The following PCLO variants were observed in gnomAD, a reference collection of about 807,000 sequenced individuals.
PCLO encodes the protein protein piccolo.
A neutral mutation model predicts 427.5 loss-of-function variants in PCLO; 82 were observed. The observed-to-expected ratio is 0.19, with a 90% CI of 0.16 to 0.23. The LOEUF (loss-of-function observed/expected upper bound fraction) is 0.23, where lower values mean the gene tolerates loss of function less well. PCLO is among the 10% of genes least tolerant of loss of function. The pLI, the probability that PCLO is intolerant of heterozygous loss-of-function variation, is 1.00. For missense variants in PCLO, 6,239 were observed against 6,115.9 expected (o/e 1.02, Z -0.67); for synonymous variants, 2,357 against 2,155.4 (o/e 1.09, Z -2.59).
chr7:82,781,324 C>A (rs990994281), intron 22 of PCLO, among the ~76,000 whole-genome samples: 16 of 151,798 alleles, frequency 1.1e-4, no homozygotes, highest in African/African-American at 3.9e-4. Context: ...ACAACCCCCT[C>A]CAGCCCCCCA....
chr7:82,945,031 G>C (rs916374008), intron 6 of PCLO, among the ~76,000 whole-genome samples: 4 of 151,972 alleles, frequency 2.6e-5, no homozygotes, highest in African/African-American at 4.8e-5. Flanking sequence ...GCTAAATCAT[G>C]ATGAAAATAC....
intron 8 of PCLO, among the ~76,000 whole-genome samples, chr7:82,904,316 T>C (rs1794129015): frequency 6.6e-6 from 1 of 151,910 alleles, no homozygotes; most frequent in South Asian, 2.1e-4. Flanking sequence ...TCTCACTCTT[T>C]CCTTTCTCTC....
chr7:83,114,460 G>C (rs775136149), intron 3 of PCLO, among the ~76,000 whole-genome samples: 2 of 152,090 alleles, frequency 1.3e-5, no homozygotes, highest in African/African-American at 2.4e-5. Context: ...TCCTGGGTCT[G>C]AGTATAGTCC....
At chr7:82,913,991 C>G (rs1413507525) in intron 7 of PCLO, among the ~76,000 whole-genome samples, 1 of 152,004 alleles carries the variant, frequency 6.6e-6, no homozygotes, top group Non-Finnish European at 1.5e-5. Context: ...ATACTTCATA[C>G]TAGTACAATT....
chr7:82,956,769 T>G lies in PCLO; in HGVS notation c.4184A>C (p.Asp1395Ala). 6.2e-7 allele frequency: 1 copy of G among 1,613,568 alleles called. No individual in the cohort carries two copies. ...EKDILKGLKK[D>A]SFSQESSPSS... ...AGGGCTGCTTTCTTGTGAAAAAGAG[T>G]CCTTTTTGAGTCCCTTGAGAATATC... The change falls in exon 5 of 25, where the codon GAC (aspartate) becomes GCC (alanine). Residue 1395 changes from aspartate to alanine, a missense_variant. By Grantham distance (126) the Asp-to-Ala change is moderately radical. Around this residue, in one of 5 missense-constraint regions of PCLO, gnomAD observed 4,677 missense variants for 4,468.4 expected, o/e 1.05. Coordinates refer to ENST00000333891, the MANE Select transcript of PCLO (RefSeq NM_033026.6).
intron 3 of PCLO, among the ~76,000 whole-genome samples, chr7:83,132,320 T>C (rs1791595143): frequency 6.6e-6 from 1 of 152,112 alleles, no homozygotes; most frequent in South Asian, 2.1e-4. Flanking sequence ...AATGATTATC[T>C]AATACGATCA....
chr7:83,054,557 T>C (rs1453179627), intron 3 of PCLO, among the ~76,000 whole-genome samples: 1 of 152,054 alleles, frequency 6.6e-6, no homozygotes, highest in African/African-American at 2.4e-5. Context: ...AAGATATTAA[T>C]ATTATGGTAT....
chr7:83,135,250 A>G lies in PCLO; in HGVS notation c.2300T>C (p.Val767Ala), dbSNP rs774658018. 1.9e-6 allele frequency: 3 copies of G among 1,613,908 alleles called. No homozygotes were observed. Among genetic ancestry groups the G allele is most frequent in the Non-Finnish European group, 2.5e-6 (3 of 1,179,888 alleles). The change falls in exon 3 of 25, where the codon GTA (valine) becomes GCA (alanine). Residue 767 changes from valine to alanine, a missense_variant. By Grantham distance (64) the Val-to-Ala change is moderately conservative. Coordinates refer to ENST00000333891, the MANE Select transcript of PCLO (RefSeq NM_033026.6). ...PKMVKPTTDLVSSSSATTKPD... is the reference protein window; with the variant it reads ...PKMVKPTTDLASSSSATTKPD... ...TTTTGTTGTTGCTGATGATGAAGATACAAGGTCAGTGGTTGGCTTTACCAT... is the reference window on the plus strand; with the variant it reads ...TTTTGTTGTTGCTGATGATGAAGATGCAAGGTCAGTGGTTGGCTTTACCAT...
At chr7:83,027,741 C>A (rs1287349042) in intron 3 of PCLO, among the ~76,000 whole-genome samples, 3 of 120,908 alleles carry the variant, frequency 2.5e-5, no homozygotes, top group African/African-American at 9.0e-5. Flanking sequence ...AGCAGCACAT[C>A]AAAAAGCTTA....
rs1219224892 is a variant in PCLO at position 83,162,635 on chromosome 7, G to A, written c.-43C>T. The stretch of plus-strand genomic sequence containing the variant: ...GGCCGCCGCGCTCCCTCCTCGCGCC[G>A]CGTCCCAGTCGAGAAGCCCGCGGCC... On this transcript the variant is annotated 5_prime_UTR_variant, in exon 1 of 25. Coordinates refer to ENST00000333891, the MANE Select transcript of PCLO (RefSeq NM_033026.6). 4.0e-6 allele frequency: 6 copies of A among 1,494,538 alleles called. No homozygotes were observed. In the African/African-American group the frequency reaches 4.2e-5, roughly 10 times the overall value. 92.6% of individuals were successfully genotyped at this position (1,494,538 alleles called of 1,614,324 possible). A position where few individuals can be genotyped will look rare whatever the true frequency, so the allele number is the denominator to read the frequency against.
At chr7:83,015,483 A>G (rs1788184146) in intron 3 of PCLO, among the ~76,000 whole-genome samples, 1 of 152,144 alleles carries the variant, frequency 6.6e-6, no homozygotes, top group Admixed American at 6.6e-5. Flanking sequence ...TAGATAAAAC[A>G]TAATGCTTTG....
chr7:82,979,112 A>C (rs1417525838), intron 3 of PCLO, among the ~76,000 whole-genome samples: 1 of 152,148 alleles, frequency 6.6e-6, no homozygotes, highest in Non-Finnish European at 1.5e-5. Flanking sequence ...ATCTGTTTTA[A>C]AGTTACTCAT....
chr7:82,899,633 T>G (rs1032535914), intron 9 of PCLO, among the ~76,000 whole-genome samples: 5 of 151,530 alleles, frequency 3.3e-5, no homozygotes, highest in African/African-American at 1.2e-4. Context: ...TATAGTACAT[T>G]ACTAGCAAAT....
At chr7:82,806,652 G>T (rs1583995057) in intron 20 of PCLO, among the ~76,000 whole-genome samples, 1 of 152,276 alleles carries the variant, frequency 6.6e-6, no homozygotes, top group South Asian at 2.1e-4. Context: ...TGAAATCGTT[G>T]ATATTTGTCT....
At chr7:83,146,247 A>C (rs1791990522) in intron 2 of PCLO, among the ~76,000 whole-genome samples, 1 of 152,220 alleles carries the variant, frequency 6.6e-6, no homozygotes, top group Non-Finnish European at 1.5e-5. Flanking sequence ...GTGAATTCAT[A>C]GTCATGTCAC....
intron 3 of PCLO, among the ~76,000 whole-genome samples, chr7:83,051,396 CT>C (rs1419892658): frequency 6.6e-6 from 1 of 152,074 alleles, no homozygotes; most frequent in Non-Finnish European, 1.5e-5. Flanking sequence ...AAGTCAATGT[CT>C]TTCTATATAC....
rs536222612 is a variant in PCLO at position 82,847,504 on chromosome 7, G to A, written c.13655-257C>T. 1.1e-4 allele frequency among the ~76,000 whole-genome samples: 16 copies of A among 152,082 alleles called. No homozygotes were observed. In the South Asian group the frequency reaches 2.3e-3, roughly 22 times the overall value. On this transcript the variant is annotated intron_variant, in intron 10 of 24. Transcript: ENST00000333891. ...GAAAATCTGTGTAATATTATCAAAC[G>A]CATGCATTCTGTTCACACTGCCATA...
At chr7:83,083,902 A>G (rs1248854482) in intron 3 of PCLO, among the ~76,000 whole-genome samples, 1 of 152,176 alleles carries the variant, frequency 6.6e-6, no homozygotes, top group African/African-American at 2.4e-5. Flanking sequence ...TTGTAAGAAT[A>G]AGAACAGAGT....
intron 16 of PCLO, 28 bp downstream of exon 16, chr7:82,835,639 C>T: frequency 6.3e-7 from 1 of 1,591,704 alleles, no homozygotes; most frequent in Non-Finnish European, 8.6e-7. Context: ...AGCAGCAGAG[C>T]TTGACACTGA....
Sources: allele counts gnomAD v4.1 joint callset (sites outside exome capture counted in the v4.1 genomes callset), GRCh38; gene constraint gnomAD v4.1.1; regional missense constraint gnomAD v4.1.1; transcripts MANE v1.5; gene names NCBI Gene and HGNC (gene_info 2026-07-23, HGNC 2026-07-21).